Variants in PARN observed in about 807,000 individuals in gnomAD.
PARN encodes the protein poly(A)-specific ribonuclease.
Under a neutral mutation model 102.8 loss-of-function variants are expected in PARN, and 71 were observed. The observed-to-expected ratio is 0.69, with a 90% CI of 0.57 to 0.84. PARN has a LOEUF of 0.84. PARN is among the 40% of genes least tolerant of loss of function. The pLI is 0.00. For synonymous variants in PARN, 261 were observed against 252.9 expected, an observed-to-expected ratio of 1.03 and a Z score of -0.30; for missense variants, 782 against 760.9, an observed-to-expected ratio of 1.03 and a Z score of -0.33.
chr16:14,501,461 C>CAAAAAA (rs1964608652), intron 21 of PARN: 1 of 45,014 alleles, frequency 2.2e-5, no homozygotes, highest in East Asian at 7.2e-4. Context: ...AAAAAAAAAA[C>CAAAAAA]AGAAAGAAAA....
chr16:14,507,006 T>G (rs1964931587), intron 21 of PARN, among the ~76,000 whole-genome samples: 1 of 152,194 alleles, frequency 6.6e-6, no homozygotes, highest in Non-Finnish European at 1.5e-5. Context: ...TAATATAACC[T>G]TTTTTAGAGG....
chr16:14,607,543 G>C (rs971099063), intron 9 of PARN, among the ~76,000 whole-genome samples: 7 of 152,236 alleles, frequency 4.6e-5, no homozygotes, highest in South Asian at 2.1e-4. Flanking sequence ...ATATAAAGAG[G>C]AGGTTTTAGA....
chr16:14,508,518 G>A (rs1463900921), intron 21 of PARN, among the ~76,000 whole-genome samples: 2 of 152,018 alleles, frequency 1.3e-5, no homozygotes, highest in Non-Finnish European at 2.9e-5. Context: ...AGTGAGTGTG[G>A]GGAAATGCAG....
intron 22 of PARN, among the ~76,000 whole-genome samples, chr16:14,480,823 C>T (rs536503141): frequency 1.6e-4 from 25 of 151,970 alleles, no homozygotes; most frequent in African/African-American, 5.6e-4. Context: ...CATCTGTAGT[C>T]GCAGCTTCTC....
At chr16:14,468,661 A>T (rs1432188810) in intron 22 of PARN, among the ~76,000 whole-genome samples, 1 of 152,138 alleles carries the variant, frequency 6.6e-6, no homozygotes, top group Non-Finnish European at 1.5e-5. Flanking sequence ...GCCCTACTCT[A>T]TTGGAAATGT....
intron 8 of PARN, among the ~76,000 whole-genome samples, chr16:14,608,677 T>C (rs1389161736): frequency 6.6e-6 from 1 of 152,204 alleles, no homozygotes; most frequent in African/African-American, 2.4e-5. Context: ...ACTGACTCTT[T>C]GAAATGCTAA....
At chr16:14,470,434 G>GATTATTATTATT (rs1366806023) in intron 22 of PARN, among the ~76,000 whole-genome samples, 1 of 113,978 alleles carries the variant, frequency 8.8e-6, no homozygotes, top group African/African-American at 4.0e-5. Context: ...TTAGAGTTTG[G>GATTATTATTATT]ATGATTATTA....
chr16:14,524,066 G>A (rs1385273482), intron 21 of PARN, among the ~76,000 whole-genome samples: 1 of 152,062 alleles, frequency 6.6e-6, no homozygotes, highest in East Asian at 1.9e-4. Context: ...AATCTTATGG[G>A]GCCACTGTAG....
At chr16:14,548,729 C>G (rs562422513) in intron 21 of PARN, among the ~76,000 whole-genome samples, 6 of 152,082 alleles carry the variant, frequency 3.9e-5, no homozygotes, top group African/African-American at 1.4e-4. Flanking sequence ...CTGAGATAGG[C>G]GGATCACTTG....
intron 21 of PARN, among the ~76,000 whole-genome samples, chr16:14,523,573 G>A (rs570947300): frequency 2.0e-5 from 3 of 152,316 alleles, no homozygotes; most frequent in Non-Finnish European, 4.4e-5. Flanking sequence ...AGTCAGAGAA[G>A]TCTATCCTCC....
chr16:14,524,458 C>T (rs1965893453), intron 21 of PARN, among the ~76,000 whole-genome samples: 1 of 152,052 alleles, frequency 6.6e-6, no homozygotes, highest in Admixed American at 6.5e-5. Flanking sequence ...TAAGAGTGTT[C>T]GATTTATCAA....
At chr16:14,604,003 C>T (rs907333422) in intron 11 of PARN, 143 bp downstream of exon 11, 12 of 691,856 alleles carry the variant, frequency 1.7e-5, no homozygotes, top group Non-Finnish European at 2.6e-5. Flanking sequence ...TATTCTAGTC[C>T]AGGTTTTTCT....
intron 21 of PARN, among the ~76,000 whole-genome samples, chr16:14,545,259 T>C (rs1966877481): frequency 6.6e-6 from 1 of 152,220 alleles, no homozygotes; most frequent in South Asian, 2.1e-4. Context: ...GTGCACACAG[T>C]ATGTTCAAAA....
At chr16:14,577,726 G>T (rs1969232914) in intron 18 of PARN, among the ~76,000 whole-genome samples, 1 of 151,834 alleles carries the variant, frequency 6.6e-6, no homozygotes, top group Admixed American at 6.6e-5. Context: ...GGAATGCAGT[G>T]GCGCAATCTC....
chr16:14,443,452 T>A (rs1217299380), intron 23 of PARN, among the ~76,000 whole-genome samples: 1 of 151,920 alleles, frequency 6.6e-6, no homozygotes, highest in African/African-American at 2.4e-5. Flanking sequence ...GCGATTCTCC[T>A]GCCTCAGCCT....
chr16:14,550,024 A>T (rs1303744927), intron 21 of PARN, among the ~76,000 whole-genome samples: 1 of 152,154 alleles, frequency 6.6e-6, no homozygotes, highest in African/African-American at 2.4e-5. Context: ...AATGTCACCG[A>T]GTGTGGCTAG....
intron 21 of PARN, among the ~76,000 whole-genome samples, chr16:14,491,771 C>T (rs1567318517): frequency 6.8e-6 from 1 of 147,538 alleles, no homozygotes; most frequent in African/African-American, 2.5e-5. Flanking sequence ...GACCCTATCT[C>T]AAAAAAAAAG....
chr16:14,530,181 G>A (rs1464889481), intron 21 of PARN, among the ~76,000 whole-genome samples: 1 of 152,188 alleles, frequency 6.6e-6, no homozygotes, highest in Non-Finnish European at 1.5e-5. Context: ...TTCTCTTGGT[G>A]AGCAGCACAG....
chr16:14,497,600 G>C (rs1230811249), intron 21 of PARN, among the ~76,000 whole-genome samples: 4 of 152,240 alleles, frequency 2.6e-5, no homozygotes, highest in African/African-American at 9.6e-5. Context: ...ATAAAGCACA[G>C]TGCTCCATGT....
Sources: allele counts gnomAD v4.1 joint callset (sites outside exome capture counted in the v4.1 genomes callset), GRCh38; gene constraint gnomAD v4.1.1; transcripts MANE v1.5; gene names NCBI Gene and HGNC (gene_info 2026-07-23, HGNC 2026-07-21).